Variants in WWP2 observed in about 807,000 individuals in gnomAD.
WWP2 encodes WW domain containing E3 ubiquitin protein ligase 2, also known as NEDD4-like E3 ubiquitin-protein ligase WWP2.
A neutral mutation model predicts 121.0 loss-of-function variants in WWP2; 57 were observed. The observed-to-expected ratio is 0.47, with a 90% CI of 0.38 to 0.59. WWP2 has a LOEUF of 0.59. Among genes scored for constraint, WWP2 ranks in the 20% least tolerant of loss-of-function variants. WWP2 has a pLI of 0.00. For synonymous variants in WWP2, 449 were observed against 441.3 expected (o/e 1.02, Z -0.22); for missense variants, 962 against 1,158.9 (o/e 0.83, Z 2.47).
chr16:69,767,968 G>C (rs2038768487), intron 1 of WWP2, among the ~76,000 whole-genome samples: 2 of 152,116 alleles, frequency 1.3e-5, no homozygotes, highest in African/African-American at 4.8e-5. Context: ...CTTCCAAGTA[G>C]CTGAGACTAT....
At chr16:69,832,976 C>T (rs2056818639) in intron 4 of WWP2, among the ~76,000 whole-genome samples, 1 of 152,186 alleles carries the variant, frequency 6.6e-6, no homozygotes, top group Non-Finnish European at 1.5e-5. Context: ...TGCCTAGCCT[C>T]CCATGAAGGT....
At chr16:69,902,679 T>C (rs1029082372) in intron 8 of WWP2, among the ~76,000 whole-genome samples, 2 of 152,194 alleles carry the variant, frequency 1.3e-5, no homozygotes, top group African/African-American at 4.8e-5. Context: ...GAGTTGCTTA[T>C]AAGTGACAGA....
intron 10 of WWP2, among the ~76,000 whole-genome samples, chr16:69,921,560 T>C (rs1231138768): frequency 6.6e-6 from 1 of 152,220 alleles, no homozygotes; most frequent in Admixed American, 6.5e-5. Context: ...TTTTCTGCCA[T>C]GTTTCCCTTT....
rs1250376496 is a variant in WWP2, at chr16:69,842,069, C to T, written c.524C>T (p.Pro175Leu). 1.9e-6 allele frequency: 3 copies of T among 1,613,398 alleles called. No homozygotes were observed. The highest frequency in any genetic ancestry group is 3.3e-5 in the Admixed American group (2 of 59,970). Residue 175 changes from proline (P) to leucine (L), a missense_variant, in exon 6 of 24, where the codon CCA becomes CTA. Physicochemically the swap from Pro to Leu is moderately conservative, Grantham distance 98 (BLOSUM62 -3). Transcript: ENST00000359154. ...SRDSSGTAVAPENRHQPPSTN... is the reference protein window; with the variant it reads ...SRDSSGTAVALENRHQPPSTN... Reference sequence around the variant, plus strand: ...GACTCCAGTGGAACAGCAGTAGCTCCAGAGAACCGGCACCAGCCCCCCAGC... The same window carrying T: ...GACTCCAGTGGAACAGCAGTAGCTCTAGAGAACCGGCACCAGCCCCCCAGC...
chr16:69,909,732 G>A (rs2058352388), intron 9 of WWP2: 1 of 969,294 alleles, frequency 1.0e-6, no homozygotes, highest in Non-Finnish European at 1.2e-6. Context: ...CAAAAAAACA[G>A]GTTAAGTGTT....
At chr16:69,920,019 T>C (rs1310538007) in intron 10 of WWP2, among the ~76,000 whole-genome samples, 2 of 152,068 alleles carry the variant, frequency 1.3e-5, no homozygotes, top group East Asian at 1.9e-4. Context: ...GGTCTTGAAC[T>C]CCTGGGCTCA....
At chr16:69,767,287 GCATCCCACCATT>G (rs1191531803) in intron 1 of WWP2, among the ~76,000 whole-genome samples, 6 of 152,124 alleles carry the variant, frequency 3.9e-5, no homozygotes, top group African/African-American at 1.4e-4. Flanking sequence ...TGTTTGTCAG[GCATCCCACCATT>G]TTATACATTT....
chr16:69,873,132 G>T (rs1179566425), intron 7 of WWP2, among the ~76,000 whole-genome samples: 2 of 152,214 alleles, frequency 1.3e-5, no homozygotes, highest in Non-Finnish European at 2.9e-5. Context: ...TGGCGTAAAG[G>T]CCAGGAGACC....
intron 10 of WWP2, among the ~76,000 whole-genome samples, chr16:69,923,451 G>A (rs2058594122): frequency 6.6e-6 from 1 of 152,088 alleles, no homozygotes; most frequent in African/African-American, 2.4e-5. Flanking sequence ...TTCAGAAAAG[G>A]GCTGATCAGT....
Position 69,913,883 on chromosome 16 carries a change from A to C in WWP2, c.1005-3826A>C, listed in dbSNP as rs1269400686. Among the ~76,000 whole-genome samples the C allele has an allele frequency of 3.3e-5, 5 of 151,862 alleles. No individual in the cohort carries two copies. In the East Asian group the frequency reaches 9.7e-4, roughly 29 times the overall value. On this transcript the variant is annotated intron_variant, in intron 9 of 23. Coordinates refer to ENST00000359154, the MANE Select transcript of WWP2 (RefSeq NM_001270454.2). ...TCAGAAGTTCGAGACCAGCCTGGCC[A>C]ACATGGTGAAACCCCCGTCTCTACT...
chr16:69,778,802 G>A (rs11644838), intron 1 of WWP2, among the ~76,000 whole-genome samples: 1 of 149,750 alleles, frequency 6.7e-6, no homozygotes, highest in Non-Finnish European at 1.5e-5. Context: ...ACCACTCCTC[G>A]CTAATTTTTG....
chr16:69,838,830 TG>T, intron 4 of WWP2: 1 of 985,454 alleles, frequency 1.0e-6, no homozygotes, highest in Non-Finnish European at 1.2e-6. Flanking sequence ...GAGAGATCCA[TG>T]GCAGGGAAGA....
intron 7 of WWP2, among the ~76,000 whole-genome samples, chr16:69,883,701 A>G (rs902322200): frequency 2.0e-5 from 3 of 152,124 alleles, no homozygotes; most frequent in African/African-American, 7.2e-5. Context: ...TCGGTTAGCC[A>G]TTCTTTCTGA....
chr16:69,803,977 T>G (rs1220303301), intron 4 of WWP2, among the ~76,000 whole-genome samples: 1 of 152,174 alleles, frequency 6.6e-6, no homozygotes, highest in African/African-American at 2.4e-5. Flanking sequence ...AGCTGTGATT[T>G]GTTGAAGGCT....
chr16:69,781,950 A>G (rs2055672569), intron 1 of WWP2, among the ~76,000 whole-genome samples: 1 of 152,054 alleles, frequency 6.6e-6, no homozygotes, highest in African/African-American at 2.4e-5. Context: ...TCATGATCCA[A>G]TCACCTCTTC....
rs138788618 is a variant in WWP2, at chr16:69,912,106, G to A, written c.1004+3256G>A. On this transcript the variant is annotated intron_variant, in intron 9 of 23. Coordinates refer to ENST00000359154, the MANE Select transcript of WWP2 (RefSeq NM_001270454.2). ...AGATTGAGACCATCCTGGCTAACAC[G>A]GTGAAACCCCATCTGTACTAAAAAT... Among the ~76,000 whole-genome samples the A allele has an allele frequency of 6.7e-4, 102 of 152,088 alleles. 4 individuals carry two copies. The East Asian group carries it at 0.017, about 26-fold the overall frequency.
chr16:69,854,493 T>C (rs1318301054), intron 6 of WWP2, among the ~76,000 whole-genome samples: 1 of 152,158 alleles, frequency 6.6e-6, no homozygotes, highest in East Asian at 1.9e-4. Context: ...ATAGCCTAAA[T>C]AGAATGACTC....
chr16:69,920,799 TA>T (rs1027619836), intron 10 of WWP2, among the ~76,000 whole-genome samples: 1 of 151,992 alleles, frequency 6.6e-6, no homozygotes, highest in Non-Finnish European at 1.5e-5. Flanking sequence ...AATAAATAAA[TA>T]AAATAAAATG....
In WWP2 at chr16:69,852,091, A is replaced by T. The variant is rs1306276319; in HGVS notation, c.575+9971A>T. 2.0e-5 allele frequency among the ~76,000 whole-genome samples: 3 copies of T among 152,168 alleles called. 1 individual carries two copies. The East Asian group carries it at 5.8e-4, about 29-fold the overall frequency. On this transcript the variant is annotated intron_variant, in intron 6 of 23. Transcript: ENST00000359154. ...AAAAGTATGCTTAGTTTTGTAAGAA[A>T]CTGCTAAACTGTTTTCCAAAACGGC...
Sources: allele counts gnomAD v4.1 joint callset (sites outside exome capture counted in the v4.1 genomes callset), GRCh38; gene constraint gnomAD v4.1.1; transcripts MANE v1.5; gene names NCBI Gene and HGNC (gene_info 2026-07-23, HGNC 2026-07-21).